RAP1GDS1: variants seen among roughly 807,000 people sequenced by gnomAD.
RAP1GDS1 encodes the protein RAP1, GTP-GDP dissociation stimulator 1.
A neutral mutation model predicts 71.1 loss-of-function variants in RAP1GDS1; 35 were observed. The ratio of observed to expected loss-of-function variants is 0.49; its 90% CI spans 0.38 to 0.65. The LOEUF (loss-of-function observed/expected upper bound fraction) is 0.65, where lower values mean the gene tolerates loss of function less well. RAP1GDS1 is among the 30% of genes least tolerant of loss of function. The pLI is 0.00. For missense variants in RAP1GDS1, 663 were observed against 706.1 expected (o/e 0.94, Z 0.69); for synonymous variants, 229 against 243.1 (o/e 0.94, Z 0.54).
At chr4:98,350,290 G>T (rs537788612) in intron 3 of RAP1GDS1, among the ~76,000 whole-genome samples, 1 of 152,174 alleles carries the variant, frequency 6.6e-6, no homozygotes, top group Non-Finnish European at 1.5e-5. Context: ...AAATCAGACC[G>T]TTCCTAAATT....
intron 2 of RAP1GDS1, among the ~76,000 whole-genome samples, chr4:98,315,693 A>G (rs926937751): frequency 6.6e-6 from 1 of 152,164 alleles, no homozygotes; most frequent in Non-Finnish European, 1.5e-5. Flanking sequence ...ATAAGGGATC[A>G]TATTATCAAA....
intron 1 of RAP1GDS1, among the ~76,000 whole-genome samples, chr4:98,286,882 G>A (rs1248493777): frequency 8.4e-5 from 9 of 106,952 alleles, no homozygotes; most frequent in African/African-American, 2.0e-4. Flanking sequence ...GTGAAACTCC[G>A]TCTTAAAAAA....
At chr4:98,343,723 A>G (rs1414961629) in intron 3 of RAP1GDS1, among the ~76,000 whole-genome samples, 1 of 152,212 alleles carries the variant, frequency 6.6e-6, no homozygotes, top group Non-Finnish European at 1.5e-5. Flanking sequence ...TACACTCACC[A>G]TATATTTCTT....
chr4:98,417,491 C>T lies in RAP1GDS1; in HGVS notation c.1032C>T (p.Ala344=), dbSNP rs1202821315. 1 of 1,613,472 alleles carries T rather than the reference C, an allele frequency of 6.2e-7. No homozygotes were observed. The highest frequency in any genetic ancestry group is 1.3e-5 in the African/African-American group (1 of 74,900). The change falls in exon 9 of 15, where the codon GCC becomes GCT. Residue 344 remains alanine (A), a synonymous_variant. Coordinates refer to ENST00000408927, the MANE Select transcript of RAP1GDS1 (RefSeq NM_001100427.2). The stretch of plus-strand genomic sequence containing the variant: ...GAGCATTGGCAATTGCAAATTTTGC[C>T]AGAAATGGTAAGCATATTAGTTCCT... ...LAGALAIANF[A]RNDANCIHMV...
chr4:98,306,644 T>C (rs532944570), intron 2 of RAP1GDS1, among the ~76,000 whole-genome samples: 46 of 152,204 alleles, frequency 3.0e-4, no homozygotes, highest in Non-Finnish European at 5.9e-4. Context: ...ATAAGAATTA[T>C]GTATTCTCAA....
rs1396040977 is a variant in RAP1GDS1 at position 98,416,867 on chromosome 4, A to G, written c.886A>G (p.Met296Val). 2 of 1,601,302 alleles carry G rather than the reference A, an allele frequency of 1.2e-6. No homozygotes were observed. The highest frequency in any genetic ancestry group is 1.7e-6 in the Non-Finnish European group (2 of 1,169,086). ...TGAGCTCAAAACTGGTTCAGATCTC[A>G]TGGTTTTATTACTTCTTGGAGGTGA... The part of the protein sequence containing the change: ...ITELKTGSDL[M>V]VLLLLGDESM... The change falls in exon 8 of 15, where the codon ATG becomes GTG. Residue 296 changes from methionine to valine, a missense_variant. By Grantham distance (21) the Met-to-Val change is conservative. Transcript: ENST00000408927.
intron 2 of RAP1GDS1, among the ~76,000 whole-genome samples, chr4:98,323,670 A>G (rs1732388248): frequency 7.5e-6 from 1 of 133,560 alleles, no homozygotes; most frequent in South Asian, 2.7e-4. Context: ...AAAGACAAAA[A>G]CCACATGATT....
chr4:98,302,223 T>G (rs950830196), intron 2 of RAP1GDS1, among the ~76,000 whole-genome samples: 13 of 152,158 alleles, frequency 8.5e-5, no homozygotes, highest in African/African-American at 2.9e-4. Flanking sequence ...AATAAGCCTT[T>G]GCAGATATGA....
Position 98,417,422 on chromosome 4 carries a change from A to C in RAP1GDS1, c.963A>C (p.Val321=), listed in dbSNP as rs1748191110. The change falls in exon 9 of 15, where the codon GTA becomes GTC. Residue 321 remains valine (V), a synonymous_variant. Coordinates refer to ENST00000408927, the MANE Select transcript of RAP1GDS1 (RefSeq NM_001100427.2). ...GAAAAGGTAGTGTATTTCAAAGGGT[A>C]CTCTCTTGGATCCCATCAAATAACC... ...EGGKGSVFQR[V]LSWIPSNNHQ... 6.2e-7 allele frequency: 1 copy of C among 1,612,864 alleles called. No homozygotes were observed.
rs140043213 is a variant in RAP1GDS1, at chr4:98,398,550, A to G, written c.638-5927A>G. Among the ~76,000 whole-genome samples the G allele has an allele frequency of 4.3e-3, 654 of 152,282 alleles. 2 individuals carry two copies. Among genetic ancestry groups the G allele is most frequent in the Middle Eastern group, 0.014 (4 of 294 alleles). ...TCTCAAAACAACATTGGCAGCCAGA[A>G]GAAAATGCAATGTTGCCTTCAAAAT... On this transcript the variant is annotated intron_variant, in intron 6 of 14. Transcript: ENST00000408927.
At chr4:98,413,101 G>T (rs1002809636) in intron 7 of RAP1GDS1, among the ~76,000 whole-genome samples, 1 of 152,100 alleles carries the variant, frequency 6.6e-6, no homozygotes, top group Non-Finnish European at 1.5e-5. Flanking sequence ...AAGCCTGAGG[G>T]TACTGCAGGA....
At chr4:98,415,677 T>C (rs1043126490) in intron 7 of RAP1GDS1, among the ~76,000 whole-genome samples, 1 of 151,808 alleles carries the variant, frequency 6.6e-6, no homozygotes, top group Non-Finnish European at 1.5e-5. Context: ...GGGGGTGGAG[T>C]TTCCTATGAA....
intron 1 of RAP1GDS1, among the ~76,000 whole-genome samples, chr4:98,274,620 C>A (rs1172605755): frequency 6.6e-6 from 1 of 152,172 alleles, no homozygotes. Context: ...ACGGATTCCA[C>A]TTCAGGTTAT....
intron 1 of RAP1GDS1, among the ~76,000 whole-genome samples, chr4:98,289,985 T>C (rs1209638327): frequency 6.6e-6 from 1 of 152,006 alleles, no homozygotes; most frequent in Non-Finnish European, 1.5e-5. Context: ...AAATAATAGA[T>C]ACAGAAAAAA....
intron 7 of RAP1GDS1, among the ~76,000 whole-genome samples, chr4:98,407,468 T>C (rs1309723391): frequency 1.3e-5 from 2 of 148,966 alleles, no homozygotes; most frequent in African/African-American, 2.5e-5. Flanking sequence ...GGGGTGTGTA[T>C]ACACACACAC....
chr4:98,373,106 A>G (rs1317493979), intron 4 of RAP1GDS1, among the ~76,000 whole-genome samples: 2 of 152,214 alleles, frequency 1.3e-5, no homozygotes, highest in Non-Finnish European at 2.9e-5. Context: ...TTTGTCTAGT[A>G]TACCTCTAAC....
At chr4:98,334,109 GT>G (rs1449499374) in intron 2 of RAP1GDS1, among the ~76,000 whole-genome samples, 7 of 152,046 alleles carry the variant, frequency 4.6e-5, no homozygotes, top group African/African-American at 1.7e-4. Context: ...TAATTACTAT[GT>G]ATTTCATGTA....
intron 4 of RAP1GDS1, among the ~76,000 whole-genome samples, chr4:98,374,413 C>G (rs78605122): frequency 1.3e-5 from 2 of 152,134 alleles, no homozygotes. Context: ...AGTTTTTCCA[C>G]TAGATCCTGT....
chr4:98,312,989 A>C (rs1730455418), intron 2 of RAP1GDS1, among the ~76,000 whole-genome samples: 1 of 147,572 alleles, frequency 6.8e-6, no homozygotes, highest in South Asian at 2.2e-4. Flanking sequence ...GAATGGCATG[A>C]ACTTGGGAGG....
Sources: gnomAD v4.1 joint callset for allele counts (sites outside exome capture counted in the v4.1 genomes callset) on GRCh38, gnomAD v4.1.1 for gene constraint, MANE v1.5 for transcripts, NCBI Gene and HGNC (gene_info 2026-07-23, HGNC 2026-07-21) for gene names.